Variants in NRXN2 observed in about 807,000 individuals in gnomAD.
The protein encoded by NRXN2 is neurexin-2-beta.
Under a neutral mutation model 128.8 loss-of-function variants are expected in NRXN2, and 29 were observed. The ratio of observed to expected loss-of-function variants is 0.23; its 90% confidence interval spans 0.17 to 0.31. The LOEUF (loss-of-function observed/expected upper bound fraction) is 0.31, where lower values mean the gene tolerates loss of function less well. Among genes scored for constraint, NRXN2 ranks in the 10% least tolerant of loss-of-function variants. The pLI, the probability that NRXN2 is intolerant of heterozygous loss-of-function variation, is 1.00. For missense variants in NRXN2, 1,881 were observed against 2,452.6 expected (o/e 0.77, Z 4.92); for synonymous variants, 1,098 against 1,075.2 (o/e 1.02, Z -0.41).
chr11:64,633,016 T>A (rs1229632167), intron 18 of NRXN2, among the ~76,000 whole-genome samples: 1 of 152,136 alleles, frequency 6.6e-6, no homozygotes, highest in Non-Finnish European at 1.5e-5. Context: ...TCAGCCCATC[T>A]GGTGCCCACC....
At chr11:64,690,327 TG>T in intron 5 of NRXN2, 77 bp downstream of exon 5, 1 of 1,332,042 alleles carries the variant, frequency 7.5e-7, no homozygotes, top group Non-Finnish European at 1.1e-6. Flanking sequence ...TGCGTTGACT[TG>T]GCTTCCCCCC....
intron 2 of NRXN2, among the ~76,000 whole-genome samples, chr11:64,706,418 C>T (rs1209057813): frequency 6.7e-6 from 1 of 148,642 alleles, no homozygotes; most frequent in Non-Finnish European, 1.5e-5. Flanking sequence ...TGAGAACATG[C>T]GGTGTTTGGT....
rs74779172 is a variant in NRXN2, at chr11:64,716,266, G to A, written c.-244-2323C>T. Among the ~76,000 whole-genome samples the A allele has an allele frequency of 4.4e-3, 665 of 152,298 alleles. 4 individuals carry two copies. Among genetic ancestry groups the A allele is most frequent in the African/African-American group, 0.016 (649 of 41,546 alleles). On this transcript the variant is annotated intron_variant, in intron 1 of 22. Transcript: ENST00000265459. Reference sequence around the variant, plus strand: ...TGCTGTCCAGTCATCCCCAAGCTCAGAACAGGAGGGACTGTTTCCCCCGCC... The same window carrying A: ...TGCTGTCCAGTCATCCCCAAGCTCAAAACAGGAGGGACTGTTTCCCCCGCC...
intron 7 of NRXN2, chr11:64,675,037 T>C (rs1398441062): frequency 1.3e-5 from 2 of 152,218 alleles, no homozygotes; most frequent in South Asian, 2.1e-4. Context: ...CCCCAGAGGC[T>C]TGGGGTGTAC....
intron 11 of NRXN2, among the ~76,000 whole-genome samples, chr11:64,658,337 C>A (rs1253161894): frequency 1.3e-5 from 2 of 152,218 alleles, no homozygotes; most frequent in African/African-American, 2.4e-5. Context: ...GGGTCCTTGG[C>A]TGGGGCTATC....
At chr11:64,609,124 G>C (rs546015288) in intron 22 of NRXN2, among the ~76,000 whole-genome samples, 2 of 151,952 alleles carry the variant, frequency 1.3e-5, no homozygotes, top group East Asian at 3.9e-4. Context: ...GAGAAGCCAT[G>C]TAGAGGCAGG....
intron 11 of NRXN2, among the ~76,000 whole-genome samples, chr11:64,654,948 C>T (rs1347890181): frequency 1.3e-5 from 2 of 152,188 alleles, no homozygotes; most frequent in Non-Finnish European, 2.9e-5. Context: ...GGATCCTGAG[C>T]AGGAAGTAGG....
chr11:64,701,990 CGGGA>C (rs2055487589), intron 2 of NRXN2, among the ~76,000 whole-genome samples: 1 of 146,924 alleles, frequency 6.8e-6, no homozygotes, highest in Non-Finnish European at 1.5e-5. Flanking sequence ...CTGCCCCGTC[CGGGA>C]GGGAGGTGGG....
intron 17 of NRXN2, among the ~76,000 whole-genome samples, chr11:64,641,429 G>A (rs995676080): frequency 1.3e-5 from 2 of 152,108 alleles, no homozygotes; most frequent in Non-Finnish European, 2.9e-5. Flanking sequence ...AACGTGGAGG[G>A]ACTGAGGTGG....
chr11:64,653,310 C>T (rs1164659800), intron 12 of NRXN2, among the ~76,000 whole-genome samples: 1 of 152,106 alleles, frequency 6.6e-6, no homozygotes, highest in East Asian at 1.9e-4. Flanking sequence ...CAGCGTATTC[C>T]AGCCCCTCTC....
intron 19 of NRXN2, among the ~76,000 whole-genome samples, chr11:64,629,250 T>C (rs2043516986): frequency 6.6e-6 from 1 of 152,202 alleles, no homozygotes; most frequent in Non-Finnish European, 1.5e-5. Flanking sequence ...AGGCCCTGTG[T>C]GTGACTGCAA....
intron 2 of NRXN2, among the ~76,000 whole-genome samples, chr11:64,707,813 A>G (rs369126944): frequency 2.0e-5 from 3 of 152,102 alleles, no homozygotes; most frequent in African/African-American, 7.2e-5. Flanking sequence ...CAACTCCCAG[A>G]CTGGGTGTGG....
Position 64,648,591 on chromosome 11 carries a change from C to G in NRXN2, c.3283+143G>C, listed in dbSNP as rs2047043105. On this transcript the variant is annotated intron_variant, in intron 16 of 22. Transcript: ENST00000265459. This position sits in a 1 kb window ranked among gnomAD's most constrained non-coding sequence, Gnocchi z 4.1. ...CCCTTCACACACCTGTATCCCTGCC[C>G]CAGAACTGTGGGGGCAAGCTCCCAT... is the stretch of plus-strand genomic sequence containing the variant. 8.2e-7 allele frequency: 1 copy of G among 1,220,090 alleles called. No homozygotes were observed. The allele number at this position is 1,220,090 out of a possible 1,614,324, so 75.6% of individuals were successfully genotyped here.
intron 11 of NRXN2, among the ~76,000 whole-genome samples, chr11:64,656,993 G>A (rs1000035191): frequency 5.3e-5 from 8 of 151,808 alleles, no homozygotes; most frequent in South Asian, 2.1e-4. Flanking sequence ...CGCAGCCTCC[G>A]CTCCCTCTTC....
At chr11:64,662,547 C>T (rs969492356) in intron 9 of NRXN2, among the ~76,000 whole-genome samples, 2 of 151,888 alleles carry the variant, frequency 1.3e-5, no homozygotes, top group African/African-American at 2.4e-5. Context: ...TTTGGGAGGC[C>T]GAGGCGGGTG....
intron 22 of NRXN2, among the ~76,000 whole-genome samples, chr11:64,614,887 G>A (rs2041234450): frequency 6.6e-6 from 1 of 152,248 alleles, no homozygotes; most frequent in Non-Finnish European, 1.5e-5. Context: ...CATGAGCTTT[G>A]AGATGAATGC....
At chr11:64,691,605 T>C (rs1421051172) in intron 4 of NRXN2, among the ~76,000 whole-genome samples, 1 of 152,166 alleles carries the variant, frequency 6.6e-6, no homozygotes, top group Admixed American at 6.5e-5. Context: ...CTTTCTGAGA[T>C]CCTTTGGGAG....
chr11:64,642,728 G>T, intron 17 of NRXN2: 1 of 1,442,554 alleles, frequency 6.9e-7, no homozygotes, highest in Non-Finnish European at 9.1e-7. Context: ...GGCGGCGGTG[G>T]AGGCGGCGGC....
chr11:64,622,965 G>A lies in NRXN2; in HGVS notation c.3961C>T (p.Leu1321=). 6.2e-7 allele frequency: 1 copy of A among 1,613,464 alleles called. No homozygotes were observed. Among genetic ancestry groups the A allele is most frequent in the Non-Finnish European group, 8.5e-7 (1 of 1,179,850 alleles). Residue 1321 remains leucine (L), a synonymous_variant, in exon 21 of 23, where the codon CTG becomes TTG. Transcript: ENST00000265459. The surrounding 1 kb of genome is among the most constrained non-coding windows in gnomAD (Gnocchi z 4.3). ...SGLYYNGLKV[L]ALAAESDPNV... ...GGGTCGCTCTCGGCGGCCAGCGCCAGCACCTTGAGCCCATTGTAGTAGAGG... is the reference window on the plus strand; with the variant it reads ...GGGTCGCTCTCGGCGGCCAGCGCCAACACCTTGAGCCCATTGTAGTAGAGG...
Sources: gnomAD v4.1 joint callset for allele counts (sites outside exome capture counted in the v4.1 genomes callset) on GRCh38, gnomAD v4.1.1 for gene constraint, Gnocchi (gnomAD v3.1) non-coding constraint, MANE v1.5 for transcripts, NCBI Gene and HGNC (gene_info 2026-07-23, HGNC 2026-07-21) for gene names.